AKR1C2: variants seen among roughly 807,000 people sequenced by gnomAD.
AKR1C2 encodes the protein aldo-keto reductase family 1 member C2.
AKR1C2 carries 27 observed loss-of-function variants against 39.8 expected under a neutral mutation model. The observed-to-expected ratio is 0.68, with a 90% CI of 0.50 to 0.93. AKR1C2 has a LOEUF of 0.93. Among genes scored for constraint, AKR1C2 ranks in the 40% least tolerant of loss-of-function variants. The pLI is 0.00. For synonymous variants in AKR1C2, 114 were observed against 137.9 expected, an observed-to-expected ratio of 0.83 and a Z score of 1.22; for missense variants, 263 against 365.1, an observed-to-expected ratio of 0.72 and a Z score of 2.28.
At chr10:5,004,140 A>G (rs1366470806), upstream of AKR1C2, 2 of 236,876 alleles carry the variant, frequency 8.4e-6, no homozygotes, top group African/African-American at 4.5e-5. Context: ...TTGTAGAACA[A>G]ATTGTGACTT....
intron 1 of AKR1C2, chr10:5,015,151 A>C (rs1837611605): frequency 1.3e-5 from 2 of 152,224 alleles, no homozygotes; most frequent in Non-Finnish European, 2.9e-5. Context: ...GCAGTTGTGT[A>C]CTAGTTCCTT....
Position 5,012,675 on chromosome 10 carries a change from G to A in AKR1C2, c.-88+5225C>T, listed in dbSNP as rs545993760. On this transcript the variant is annotated intron_variant, in intron 1 of 6. Coordinates refer to the AKR1C2 transcript ENST00000604507. ...ACCCTGACTTTAGCCTGTTGAACGA[G>A]ATTTTGGAATTCTGATCTCCAGAAC... Among the ~76,000 whole-genome samples, 149 of 152,150 alleles carry A rather than the reference G, an allele frequency of 9.8e-4. 1 individual carries two copies. Among genetic ancestry groups the A allele is most frequent in the African/African-American group, 3.2e-3 (135 of 41,548 alleles).
intron 7 of AKR1C2, among the ~76,000 whole-genome samples, chr10:4,992,155 CT>C (rs1370233551): frequency 6.7e-6 from 1 of 149,792 alleles, no homozygotes; most frequent in Non-Finnish European, 1.5e-5. Flanking sequence ...AAGAGAATAT[CT>C]CAGAGGAAGC....
chr10:4,989,879 G>T lies in AKR1C2; in HGVS notation c.*117C>A. 1.4e-6 allele frequency: 2 copies of T among 1,440,954 alleles called. No individual in the cohort carries two copies. Among genetic ancestry groups the T allele is most frequent in the Non-Finnish European group, 1.9e-6 (2 of 1,055,184 alleles). 89.3% of individuals were successfully genotyped at this position (1,440,954 alleles called of 1,614,324 possible). On this transcript the variant is annotated 3_prime_UTR_variant, in exon 9 of 9. Transcript: ENST00000380753. ...GGCTTAGCTGTAGCTTACTGAAGTC[G>T]CCAAGCAGGAGAGATTTAACCAGAG...
chr10:5,005,937 G>A (rs1554774352), upstream of AKR1C2: 1 of 152,072 alleles, frequency 6.6e-6, no homozygotes, highest in Admixed American at 6.5e-5. Context: ...AAACAAATTG[G>A]AGCTAAAAAA....
upstream of AKR1C2, chr10:5,006,111 A>T (rs782396724): frequency 2.6e-5 from 4 of 152,232 alleles, no homozygotes; most frequent in Non-Finnish European, 5.9e-5. Context: ...CTTATGGGAC[A>T]CCTTCAAGCC....
chr10:5,017,747 C>T (rs1167426023), intron 1 of AKR1C2, among the ~76,000 whole-genome samples: 1 of 152,116 alleles, frequency 6.6e-6, no homozygotes, highest in African/African-American at 2.4e-5. Flanking sequence ...CAATGCTTCA[C>T]TATTTAGTAC....
In AKR1C2 at chr10:5,001,577, C is replaced by A; in HGVS notation, c.189G>T (p.Leu63=). 6.2e-7 allele frequency: 1 copy of A among 1,613,994 alleles called. No individual in the cohort carries two copies. Among genetic ancestry groups the A allele is most frequent in the Non-Finnish European group, 8.5e-7 (1 of 1,179,912 alleles). The change falls in exon 2 of 9, where the codon CTG becomes CTT. Residue 63 remains leucine, a synonymous_variant. Transcript: ENST00000380753. ...HVYNNEEQVG[L]AIRSKIADGS... is the part of the protein sequence containing the mutation. ...CATCTGCAATCTTGCTTCGGATGGC[C>A]AGTCCAACCTGCTCCTCATTATTGT...
intron 1 of AKR1C2, among the ~76,000 whole-genome samples, chr10:5,016,303 A>G (rs1837638028): frequency 6.6e-6 from 1 of 152,248 alleles, no homozygotes; most frequent in South Asian, 2.1e-4. Flanking sequence ...ACTATGAGTC[A>G]TAAAATCAAA....
At chr10:5,007,052 A>C (rs55829146), upstream of AKR1C2, among the ~76,000 whole-genome samples, 51,025 of 145,562 alleles carry the variant, frequency 0.35, 9,422 homozygotes, top group Non-Finnish European at 0.37. Flanking sequence ...GATTACAGGC[A>C]TTAGCCACTG....
intron 2 of AKR1C2, among the ~76,000 whole-genome samples, chr10:5,001,047 A>G (rs1554773787): frequency 6.6e-6 from 1 of 152,166 alleles, no homozygotes; most frequent in African/African-American, 2.4e-5. Flanking sequence ...TGAGGAGGCA[A>G]ACACAGTTTT....
upstream of AKR1C2, chr10:5,007,561 G>C (rs28711900): frequency 1.4e-5 from 2 of 141,858 alleles, no homozygotes; most frequent in African/African-American, 5.2e-5. Context: ...CGGGAATCCA[G>C]ATTTTAGCAA....
intron 1 of AKR1C2, among the ~76,000 whole-genome samples, chr10:5,009,311 CTT>C (rs1349994042): frequency 5.3e-4 from 81 of 152,190 alleles, no homozygotes; most frequent in African/African-American, 1.9e-3. Context: ...GCACCGAGCA[CTT>C]TTTGAGACGT....
chr10:4,991,107 G>A (rs369426576), intron 8 of AKR1C2, among the ~76,000 whole-genome samples: 5 of 150,864 alleles, frequency 3.3e-5, no homozygotes, highest in South Asian at 2.1e-4. Context: ...AATAGTAAAC[G>A]TCTGTTACTG....
intron 2 of AKR1C2, 53 bp downstream of exon 2, chr10:5,001,461 C>G: frequency 6.3e-7 from 1 of 1,574,878 alleles, no homozygotes. Context: ...ACTGCCACCT[C>G]CACACAATCA....
chr10:4,997,882 A>G (rs1837114512), intron 5 of AKR1C2, among the ~76,000 whole-genome samples: 1 of 152,204 alleles, frequency 6.6e-6, no homozygotes, highest in Admixed American at 6.5e-5. Flanking sequence ...CAAGGAAAAG[A>G]TGGAATTATC....
In AKR1C2 at chr10:4,989,005, T is replaced by G. The variant is rs1388410953; in HGVS notation, c.*991A>C. 6.6e-6 allele frequency: 1 copy of G among 152,238 alleles called. No individual in the cohort carries two copies. The highest frequency in any genetic ancestry group is 6.5e-5 in the Admixed American group (1 of 15,288). 9.4% of individuals were successfully genotyped at this position (152,238 alleles called of 1,614,324 possible). A position where few individuals can be genotyped will look rare whatever the true frequency, so the allele number is the denominator to read the frequency against. ...AGATGTATTATTTCCCATTTTAATC[T>G]TGAGTGCCATGCATAATGGCTTTGG... On this transcript the variant is annotated 3_prime_UTR_variant, in exon 9 of 9. Transcript: ENST00000380753.
chr10:4,991,018 T>G (rs1206570975), intron 8 of AKR1C2, among the ~76,000 whole-genome samples: 1 of 151,330 alleles, frequency 6.6e-6, no homozygotes, highest in African/African-American at 2.5e-5. Flanking sequence ...AAATCTCCAC[T>G]GCCATCAGTT....
intron 1 of AKR1C2, chr10:5,015,239 G>C (rs1312107449): frequency 6.6e-6 from 1 of 152,158 alleles, no homozygotes; most frequent in African/African-American, 2.4e-5. Flanking sequence ...CATTACCTAT[G>C]GTGCACATTG....
Sources: gnomAD v4.1 joint callset for allele counts (sites outside exome capture counted in the v4.1 genomes callset) on GRCh38, gnomAD v4.1.1 for gene constraint, MANE v1.5 for transcripts, NCBI Gene and HGNC (gene_info 2026-07-23, HGNC 2026-07-21) for gene names.